Variants in TNR observed in about 807,000 individuals in gnomAD.
TNR encodes the protein tenascin-R.
A neutral mutation model predicts 150.4 loss-of-function variants in TNR; 45 were observed. The observed-to-expected ratio is 0.30, with a 90% CI of 0.24 to 0.38. The LOEUF is 0.38. Among genes scored for constraint, TNR ranks in the 10% least tolerant of loss-of-function variants. The pLI, the probability that TNR is intolerant of heterozygous loss-of-function variation, is 1.00. For synonymous variants in TNR, 687 were observed against 678.4 expected (o/e 1.01, Z -0.20); for missense variants, 1,544 against 1,759.1 (o/e 0.88, Z 2.19).
At chr1:175,551,674 A>C (rs1017938195) in intron 1 of TNR, among the ~76,000 whole-genome samples, 6 of 152,220 alleles carry the variant, frequency 3.9e-5, no homozygotes, top group African/African-American at 2.4e-5. Flanking sequence ...AACAAAGAAA[A>C]ATGAGAAGAT....
chr1:175,558,286 G>T (rs1400619098), intron 1 of TNR, among the ~76,000 whole-genome samples: 1 of 148,416 alleles, frequency 6.7e-6, no homozygotes, highest in East Asian at 2.0e-4. Flanking sequence ...AAAAAAAAAA[G>T]ATAGCCATTC....
chr1:175,550,668 T>G (rs1460125652), intron 1 of TNR, among the ~76,000 whole-genome samples: 1 of 152,088 alleles, frequency 6.6e-6, no homozygotes, highest in Non-Finnish European at 1.5e-5. Context: ...TGTACCTCTT[T>G]TATACTTAAG....
At chr1:175,616,875 G>A (rs1336479810) in intron 1 of TNR, among the ~76,000 whole-genome samples, 1 of 152,168 alleles carries the variant, frequency 6.6e-6, no homozygotes, top group Non-Finnish European at 1.5e-5. Flanking sequence ...CAGGCACTAA[G>A]TCTCAGTTTC....
chr1:175,653,671 G>A (rs1665071866), intron 1 of TNR, among the ~76,000 whole-genome samples: 1 of 152,186 alleles, frequency 6.6e-6, no homozygotes, highest in South Asian at 2.1e-4. Flanking sequence ...GAAAAGCCAA[G>A]TGTTGGAAAC....
intron 1 of TNR, among the ~76,000 whole-genome samples, chr1:175,697,469 G>C (rs1223876685): frequency 6.6e-6 from 1 of 151,408 alleles, no homozygotes; most frequent in African/African-American, 2.4e-5. Flanking sequence ...ATCATCACTT[G>C]TTTTCCCTTA....
At chr1:175,721,388 C>T (rs186832022) in intron 1 of TNR, among the ~76,000 whole-genome samples, 31 of 152,268 alleles carry the variant, frequency 2.0e-4, no homozygotes, top group African/African-American at 7.5e-4. Context: ...ATAGTAAGTG[C>T]TCAACAAATA....
chr1:175,737,628 C>G (rs1374224615), intron 1 of TNR, among the ~76,000 whole-genome samples: 2 of 152,220 alleles, frequency 1.3e-5, no homozygotes, highest in Admixed American at 1.3e-4. Context: ...CCCCCTTTGT[C>G]TTTCCTCATA....
chr1:175,324,619 A>T, intron 21 of TNR, 100 bp from the exon 22 acceptor site: 1 of 1,371,416 alleles, frequency 7.3e-7, no homozygotes, highest in African/African-American at 1.4e-5. Context: ...GCTTCCACTT[A>T]TGGAACCTTT....
chr1:175,547,165 G>T (rs191809336), intron 1 of TNR, among the ~76,000 whole-genome samples: 5 of 152,168 alleles, frequency 3.3e-5, no homozygotes, highest in African/African-American at 1.2e-4. Context: ...GCAAGCCTGC[G>T]TAGCAGATTC....
intron 1 of TNR, among the ~76,000 whole-genome samples, chr1:175,667,767 C>G (rs1464020026): frequency 1.3e-5 from 2 of 152,228 alleles, no homozygotes; most frequent in Non-Finnish European, 2.9e-5. Flanking sequence ...GCACCCACTT[C>G]CTTCTCTCCT....
intron 1 of TNR, among the ~76,000 whole-genome samples, chr1:175,635,000 T>A (rs1664451999): frequency 6.6e-6 from 1 of 152,172 alleles, no homozygotes; most frequent in South Asian, 2.1e-4. Flanking sequence ...ACCTAGCCCC[T>A]CCTCTGCTCC....
chr1:175,381,091 A>C (rs1008993485), intron 8 of TNR, among the ~76,000 whole-genome samples: 1 of 152,182 alleles, frequency 6.6e-6, no homozygotes, highest in Non-Finnish European at 1.5e-5. Context: ...ACTGTACTTT[A>C]GCTTGCCAGA....
At chr1:175,680,360 G>A (rs1171338066) in intron 1 of TNR, among the ~76,000 whole-genome samples, 1 of 152,090 alleles carries the variant, frequency 6.6e-6, no homozygotes, top group Non-Finnish European at 1.5e-5. Flanking sequence ...GAGCCCTAAA[G>A]TAATAAATGG....
intron 1 of TNR, among the ~76,000 whole-genome samples, chr1:175,721,616 C>A (rs575997440): frequency 6.6e-5 from 10 of 152,134 alleles, no homozygotes; most frequent in Non-Finnish European, 1.3e-4. Context: ...CTCCTGAAAC[C>A]TGCCTTCACC....
chr1:175,583,271 G>A (rs535537019), intron 1 of TNR, among the ~76,000 whole-genome samples: 1 of 152,306 alleles, frequency 6.6e-6, no homozygotes, highest in Admixed American at 6.5e-5. Flanking sequence ...GCCAGGGGAA[G>A]GAGAGCCCAG....
At chr1:175,684,238 A>C (rs564060040) in intron 1 of TNR, among the ~76,000 whole-genome samples, 1 of 152,276 alleles carries the variant, frequency 6.6e-6, no homozygotes, top group South Asian at 2.1e-4. Flanking sequence ...GTTCAACAAA[A>C]TATATTGAGC....
At chr1:175,368,647 G>T (rs1254790110) in intron 9 of TNR, among the ~76,000 whole-genome samples, 1 of 152,114 alleles carries the variant, frequency 6.6e-6, no homozygotes, top group African/African-American at 2.4e-5. Flanking sequence ...TAGGACTGGG[G>T]TTGTAGAAAA....
intron 2 of TNR, among the ~76,000 whole-genome samples, chr1:175,450,944 C>G (rs766022455): frequency 2.0e-5 from 3 of 152,140 alleles, no homozygotes; most frequent in Non-Finnish European, 4.4e-5. Context: ...TTTTCTCACA[C>G]AGATAAATTC....
At position 175,418,836 on chromosome 1, in the gene TNR, T is replaced by G. The variant is rs554017475; in HGVS notation, c.-63-12059A>C. Among the ~76,000 whole-genome samples, 284 of 152,206 alleles carry G rather than the reference T, an allele frequency of 1.9e-3. 2 individuals carry two copies. Among genetic ancestry groups the G allele is most frequent in the South Asian group, 0.011 (53 of 4,818 alleles). ...GGGGTGATTGTATTCAGGGATGAAG[T>G]GTACTAAGAAGATGTCAGAGATCCC... is the stretch of plus-strand genomic sequence containing the variant. On this transcript the variant is annotated intron_variant, in intron 2 of 22. Coordinates refer to ENST00000367674, the MANE Select transcript of TNR (RefSeq NM_003285.3).
Sources: allele counts gnomAD v4.1 joint callset (sites outside exome capture counted in the v4.1 genomes callset), GRCh38; gene constraint gnomAD v4.1.1; transcripts MANE v1.5; gene names NCBI Gene and HGNC (gene_info 2026-07-23, HGNC 2026-07-21).